The following IGF2BP2 variants were observed in gnomAD, a reference collection of about 807,000 sequenced individuals.
IGF2BP2 encodes insulin like growth factor 2 mRNA binding protein 2.
In IGF2BP2, 17 loss-of-function variants were observed where a neutral mutation model predicts 75.8. The observed-to-expected ratio is 0.22, with a 90% CI of 0.15 to 0.34. The LOEUF is 0.34. Ranked by LOEUF, IGF2BP2 falls within the 10% of genes least tolerant of loss-of-function variation. IGF2BP2 has a pLI of 1.00. For synonymous variants in IGF2BP2, 288 were observed against 295.6 expected, an observed-to-expected ratio of 0.97 and a Z score of 0.26; for missense variants, 516 against 772.4, an observed-to-expected ratio of 0.67 and a Z score of 3.93.
chr3:185,803,854 T>C (rs902185979), intron 2 of IGF2BP2, among the ~76,000 whole-genome samples: 2 of 152,252 alleles, frequency 1.3e-5, no homozygotes, highest in African/African-American at 4.8e-5. Flanking sequence ...CTGGACGCAG[T>C]GGCTCATGCC....
chr3:185,747,753 T>C lies in IGF2BP2; in HGVS notation c.240-49406A>G, dbSNP rs1730436271. Among the ~76,000 whole-genome samples, 4 of 152,294 alleles carry C rather than the reference T, an allele frequency of 2.6e-5. No homozygotes were observed. The South Asian group carries it at 8.3e-4, about 32-fold the overall frequency. ...ATGAACAATGACTATTTGGTTTCTT[T>C]AGTAGACTGAGAATGTCCCAAACAT... On this transcript the variant is annotated intron_variant, in intron 2 of 15. Coordinates refer to ENST00000382199, the MANE Select transcript of IGF2BP2 (RefSeq NM_006548.6).
intron 2 of IGF2BP2, among the ~76,000 whole-genome samples, chr3:185,767,149 G>A (rs1295921604): frequency 6.6e-6 from 1 of 152,210 alleles, no homozygotes; most frequent in African/African-American, 2.4e-5. Flanking sequence ...ATAGGCAACA[G>A]CTCTCTTGGC....
At chr3:185,677,044 G>GAGATATATATATATAT (rs1553855688) in intron 7 of IGF2BP2, among the ~76,000 whole-genome samples, 4 of 23,858 alleles carry the variant, frequency 1.7e-4, no homozygotes, top group African/African-American at 2.2e-4. Context: ...TATATATGGA[G>GAGATATATATATATAT]ATATATATAT....
At chr3:185,768,524 T>C (rs1389194895) in intron 2 of IGF2BP2, among the ~76,000 whole-genome samples, 3 of 152,190 alleles carry the variant, frequency 2.0e-5, no homozygotes, top group Non-Finnish European at 4.4e-5. Flanking sequence ...TTAATACTAC[T>C]TAAATATTTA....
In IGF2BP2 at chr3:185,740,919, C is replaced by G. The variant is rs1266964373; in HGVS notation, c.240-42572G>C. Among the ~76,000 whole-genome samples, 4 of 152,176 alleles carry G rather than the reference C, an allele frequency of 2.6e-5. No homozygotes were observed. In the East Asian group the frequency reaches 7.7e-4, roughly 29 times the overall value. Reference sequence around the variant, plus strand: ...TTGAGACGGAGTCTCGCTCTGTCGCCCAGGCTGGAGTGCGGTGGCGCGATC... The same window carrying G: ...TTGAGACGGAGTCTCGCTCTGTCGCGCAGGCTGGAGTGCGGTGGCGCGATC... On this transcript the variant is annotated intron_variant, in intron 2 of 15. Transcript: ENST00000382199.
intron 2 of IGF2BP2, among the ~76,000 whole-genome samples, chr3:185,733,698 G>A (rs1728486225): frequency 6.6e-6 from 1 of 152,124 alleles, no homozygotes; most frequent in Non-Finnish European, 1.5e-5. Flanking sequence ...GGAGGTTGTG[G>A]TGAGCCAAGA....
chr3:185,767,584 C>T (rs1215487997), intron 2 of IGF2BP2, among the ~76,000 whole-genome samples: 3 of 152,092 alleles, frequency 2.0e-5, no homozygotes, highest in Non-Finnish European at 2.9e-5. Context: ...TATTTGACCA[C>T]TGAACCATTT....
At chr3:185,803,762 G>A (rs548331928) in intron 2 of IGF2BP2, among the ~76,000 whole-genome samples, 1 of 152,286 alleles carries the variant, frequency 6.6e-6, no homozygotes, top group South Asian at 2.1e-4. Context: ...CCTTTAAAGG[G>A]GGGTAGGGGT....
intron 2 of IGF2BP2, among the ~76,000 whole-genome samples, chr3:185,704,075 T>C (rs940271864): frequency 1.3e-5 from 2 of 152,204 alleles, no homozygotes; most frequent in African/African-American, 4.8e-5. Context: ...GAGAGCGTCC[T>C]TTGGGGCTCC....
chr3:185,689,867 C>T (rs1172195052), intron 5 of IGF2BP2, among the ~76,000 whole-genome samples: 1 of 150,452 alleles, frequency 6.6e-6, no homozygotes, highest in Non-Finnish European at 1.5e-5. Flanking sequence ...ACTTGGGAGG[C>T]TGAGGCAGGA....
intron 2 of IGF2BP2, among the ~76,000 whole-genome samples, chr3:185,783,450 G>A (rs6808808): frequency 0.08 from 12,151 of 152,182 alleles, 758 homozygotes; most frequent in African/African-American, 0.17. Flanking sequence ...ACCCCTGAGG[G>A]CAGGACAAAG....
At chr3:185,798,467 A>G (rs1366402791) in intron 2 of IGF2BP2, among the ~76,000 whole-genome samples, 1 of 152,220 alleles carries the variant, frequency 6.6e-6, no homozygotes, top group Non-Finnish European at 1.5e-5. Context: ...CTATGACCAC[A>G]TGAATTTTTC....
At chr3:185,714,161 C>CTT (rs34348107) in intron 2 of IGF2BP2, among the ~76,000 whole-genome samples, 17 of 145,942 alleles carry the variant, frequency 1.2e-4, no homozygotes, top group Non-Finnish European at 1.7e-4. Flanking sequence ...GAATACATTC[C>CTT]TTTTTTTTTT....
intron 2 of IGF2BP2, among the ~76,000 whole-genome samples, chr3:185,774,877 G>A (rs959856331): frequency 4.0e-5 from 6 of 151,846 alleles, no homozygotes; most frequent in South Asian, 2.1e-4. Flanking sequence ...AAAATTAGCC[G>A]GGGATGCTGG....
intron 2 of IGF2BP2, among the ~76,000 whole-genome samples, chr3:185,703,092 ACTGGCTAC>A (rs1293336521): frequency 1.3e-5 from 2 of 152,196 alleles, no homozygotes; most frequent in African/African-American, 4.8e-5. Flanking sequence ...TTGCTAGGGA[ACTGGCTAC>A]CTTCACCGAT....
chr3:185,670,645 C>T (rs1577902244), intron 10 of IGF2BP2, among the ~76,000 whole-genome samples: 1 of 152,170 alleles, frequency 6.6e-6, no homozygotes, highest in Admixed American at 6.5e-5. Context: ...CTCAGCTCAC[C>T]GTAACCTCCG....
At chr3:185,753,595 T>G (rs575717183) in intron 2 of IGF2BP2, among the ~76,000 whole-genome samples, 2 of 152,200 alleles carry the variant, frequency 1.3e-5, no homozygotes, top group Non-Finnish European at 2.9e-5. Context: ...TGCGGCTAAG[T>G]AGACATTTCC....
intron 11 of IGF2BP2, 29 bp from the exon 12 acceptor site, chr3:185,657,431 T>C (rs1362940362): frequency 1.3e-6 from 2 of 1,545,092 alleles, no homozygotes; most frequent in Non-Finnish European, 1.8e-6. Flanking sequence ...AAAGAAGACA[T>C]CATTCCAACC....
chr3:185,647,946 C>A lies in IGF2BP2; in HGVS notation c.1594-808G>T, dbSNP rs115562822. ...GGTTCTGAAATAGCTAAACAGGACA[C>A]CCAGGGGCTCAGGATTCTACTCCCT... On this transcript the variant is annotated intron_variant, in intron 14 of 15. Coordinates refer to ENST00000382199, the MANE Select transcript of IGF2BP2 (RefSeq NM_006548.6). This position sits in a 1 kb window ranked among gnomAD's most constrained non-coding sequence, Gnocchi z 4.9. Among the ~76,000 whole-genome samples, 477 of 152,330 alleles carry A rather than the reference C, an allele frequency of 3.1e-3. 5 individuals are homozygous for A. The highest frequency in any genetic ancestry group is 0.011 in the African/African-American group (449 of 41,578).
Sources: allele counts gnomAD v4.1 joint callset (sites outside exome capture counted in the v4.1 genomes callset), GRCh38; gene constraint gnomAD v4.1.1; non-coding constraint Gnocchi (gnomAD v3.1); transcripts MANE v1.5; gene names NCBI Gene and HGNC (gene_info 2026-07-23, HGNC 2026-07-21).